The following CAMTA1 variants were observed in gnomAD, a reference collection of about 807,000 sequenced individuals.
CAMTA1 encodes the protein calmodulin binding transcription activator 1, also known as calmodulin-binding transcription activator 1.
A neutral mutation model predicts 170.9 loss-of-function variants in CAMTA1; 27 were observed. That is an observed-to-expected ratio of 0.16 (90% CI 0.12 to 0.22). CAMTA1 has a LOEUF of 0.22. Among genes scored for constraint, CAMTA1 ranks in the 10% least tolerant of loss-of-function variants. The pLI is 1.00. For synonymous variants in CAMTA1, 833 were observed against 891.5 expected (o/e 0.93, Z 1.17); for missense variants, 1,619 against 2,217.2 (o/e 0.73, Z 5.42).
At chr1:6,980,827 T>G (rs915806614) in intron 3 of CAMTA1, among the ~76,000 whole-genome samples, 1 of 152,210 alleles carries the variant, frequency 6.6e-6, no homozygotes, top group Non-Finnish European at 1.5e-5. Flanking sequence ...CCATTAAACC[T>G]CTTTTCTTTA....
intron 3 of CAMTA1, among the ~76,000 whole-genome samples, chr1:7,019,285 T>G (rs1282289294): frequency 1.3e-5 from 2 of 152,180 alleles, no homozygotes; most frequent in African/African-American, 4.8e-5. Context: ...TTGAACAGTT[T>G]CCATAAGGTT....
intron 3 of CAMTA1, among the ~76,000 whole-genome samples, chr1:6,944,453 C>T (rs1687238514): frequency 6.6e-6 from 1 of 152,302 alleles, no homozygotes; most frequent in East Asian, 1.9e-4. Flanking sequence ...CACCCCACCC[C>T]ATCACGTCCT....
chr1:7,333,319 T>A lies in CAMTA1; in HGVS notation c.438+83693T>A, dbSNP rs1220587368. ...TGACATGAGTTGAACCTAGTTGTCA[T>A]TCCTGCCGGTGAGGGAGAGACCCGC... On this transcript the variant is annotated intron_variant, in intron 5 of 22. Coordinates refer to ENST00000303635, the MANE Select transcript of CAMTA1 (RefSeq NM_015215.4). The surrounding 1 kb of genome is among the most constrained non-coding windows in gnomAD (Gnocchi z 4.4). 1.3e-5 allele frequency among the ~76,000 whole-genome samples: 2 copies of A among 152,192 alleles called. No homozygotes were observed. The highest frequency in any genetic ancestry group is 2.9e-5 in the Non-Finnish European group (2 of 68,030).
intron 4 of CAMTA1, among the ~76,000 whole-genome samples, chr1:7,192,217 C>T (rs532847818): frequency 8.5e-5 from 13 of 152,194 alleles, no homozygotes; most frequent in African/African-American, 1.4e-4. Flanking sequence ...ATGTCGCTTG[C>T]GTGGTAGCAG....
chr1:7,441,740 G>A (rs947154072), intron 5 of CAMTA1, among the ~76,000 whole-genome samples: 4 of 152,116 alleles, frequency 2.6e-5, no homozygotes, highest in African/African-American at 4.8e-5. Context: ...CAAAGGGGAC[G>A]GCTGGCAGGA....
chr1:6,803,220 C>G (rs1186795793), intron 1 of CAMTA1, among the ~76,000 whole-genome samples: 1 of 152,184 alleles, frequency 6.6e-6, no homozygotes. Context: ...CACTTTTCCC[C>G]TTGTTTTGGG....
chr1:7,396,651 T>C (rs1327958708), intron 5 of CAMTA1, among the ~76,000 whole-genome samples: 2 of 152,208 alleles, frequency 1.3e-5, no homozygotes, highest in Admixed American at 1.3e-4. Flanking sequence ...ATGACCTTTA[T>C]TGTGTTGAGG....
At position 7,144,325 on chromosome 1, in the gene CAMTA1, AAG is replaced by A. The variant is rs559508657; in HGVS notation, c.302+52961_302+52962del. ...TGAGAGACAGCAAGAGACAGAGCGA[AAG>A]AGAGAGTCTCTTTTCGTTCTAAGGC... On this transcript the variant is annotated intron_variant, in intron 4 of 22. Coordinates refer to ENST00000303635, the MANE Select transcript of CAMTA1 (RefSeq NM_015215.4). The surrounding 1 kb of genome is among the most constrained non-coding windows in gnomAD (Gnocchi z 4.0). Among the ~76,000 whole-genome samples the A allele has an allele frequency of 6.6e-6, 1 of 152,004 alleles. No individual in the cohort carries two copies. Among genetic ancestry groups the A allele is most frequent in the Non-Finnish European group, 1.5e-5 (1 of 67,998 alleles).
Position 7,007,241 on chromosome 1 carries a change from A to G in CAMTA1, c.235-84063A>G, listed in dbSNP as rs1699135912. 6.6e-6 allele frequency among the ~76,000 whole-genome samples: 1 copy of G among 152,182 alleles called. No homozygotes were observed. Among genetic ancestry groups the G allele is most frequent in the Non-Finnish European group, 1.5e-5 (1 of 68,034 alleles). On this transcript the variant is annotated intron_variant, in intron 3 of 22. Transcript: ENST00000303635. The surrounding 1 kb of genome is among the most constrained non-coding windows in gnomAD (Gnocchi z 4.5). ...GGAGCATCGACCAGGAGAGGGGTCCACATTGTCACAGCAGCTTGGAGCGTG... is the reference window on the plus strand; with the variant it reads ...GGAGCATCGACCAGGAGAGGGGTCCGCATTGTCACAGCAGCTTGGAGCGTG...
chr1:7,416,595 T>G (rs1172891625), intron 5 of CAMTA1, among the ~76,000 whole-genome samples: 1 of 152,252 alleles, frequency 6.6e-6, no homozygotes, highest in Admixed American at 6.5e-5. Context: ...TCTCGAGCCT[T>G]GGCTTTCAGC....
chr1:6,832,168 C>T (rs1650548456), intron 3 of CAMTA1, among the ~76,000 whole-genome samples: 1 of 151,858 alleles, frequency 6.6e-6, no homozygotes. Flanking sequence ...ACTGCAACCT[C>T]CACCTCCTGG....
At chr1:7,638,386 AT>A (rs2148915927) in intron 6 of CAMTA1, among the ~76,000 whole-genome samples, 1 of 152,332 alleles carries the variant, frequency 6.6e-6, no homozygotes, top group East Asian at 1.9e-4. Flanking sequence ...CACACCGGTA[AT>A]CCCAGCAGTT....
intron 3 of CAMTA1, among the ~76,000 whole-genome samples, chr1:6,980,595 T>C (rs12069126): frequency 0.14 from 21,142 of 152,156 alleles, 1,582 homozygotes; most frequent in Non-Finnish European, 0.18. Flanking sequence ...CCATGTGTCT[T>C]GGGAGGGACT....
intron 6 of CAMTA1, among the ~76,000 whole-genome samples, chr1:7,549,977 G>C (rs2094776388): frequency 6.6e-6 from 1 of 152,130 alleles, no homozygotes; most frequent in Non-Finnish European, 1.5e-5. Flanking sequence ...CTGGTGCTCG[G>C]AGGAGGAGTC....
intron 6 of CAMTA1, among the ~76,000 whole-genome samples, chr1:7,603,511 CT>C (rs976070896): frequency 1.2e-4 from 18 of 152,122 alleles, no homozygotes; most frequent in African/African-American, 4.3e-4. Flanking sequence ...CAACCCCTGC[CT>C]TTTTTTGTTT....
intron 11 of CAMTA1, among the ~76,000 whole-genome samples, chr1:7,714,553 G>C (rs1558200527): frequency 6.6e-6 from 1 of 151,616 alleles, no homozygotes; most frequent in African/African-American, 2.4e-5. Flanking sequence ...ACAGAGTCTT[G>C]CCTTGTCACC....
chr1:7,270,483 A>T (rs1328102448), intron 5 of CAMTA1, among the ~76,000 whole-genome samples: 1 of 151,260 alleles, frequency 6.6e-6, no homozygotes, highest in Non-Finnish European at 1.5e-5. Flanking sequence ...TTTAGTAGAG[A>T]GGGGGTTTCA....
intron 6 of CAMTA1, among the ~76,000 whole-genome samples, chr1:7,481,792 C>T (rs1471777811): frequency 2.3e-5 from 3 of 133,046 alleles, no homozygotes; most frequent in Non-Finnish European, 4.7e-5. Flanking sequence ...TCAATATTTG[C>T]ATACAGTTCT....
intron 6 of CAMTA1, among the ~76,000 whole-genome samples, chr1:7,620,229 A>G (rs1311991812): frequency 6.6e-6 from 1 of 152,194 alleles, no homozygotes. Context: ...ATGTCTGAAG[A>G]CAATTTTTTG....
Sources: gnomAD v4.1 joint callset for allele counts (sites outside exome capture counted in the v4.1 genomes callset) on GRCh38, gnomAD v4.1.1 for gene constraint, Gnocchi (gnomAD v3.1) non-coding constraint, MANE v1.5 for transcripts, NCBI Gene and HGNC (gene_info 2026-07-23, HGNC 2026-07-21) for gene names.